Variants in ITFG1 observed in about 807,000 individuals in gnomAD.
ITFG1 encodes integrin alpha FG-GAP repeat containing 1.
In ITFG1, 34 loss-of-function variants were observed where a neutral mutation model predicts 81.8. The observed-to-expected ratio is 0.42, with a 90% CI of 0.32 to 0.55. The LOEUF (loss-of-function observed/expected upper bound fraction) is 0.55, where lower values mean the gene tolerates loss of function less well. Among genes scored for constraint, ITFG1 ranks in the 20% least tolerant of loss-of-function variants. The pLI is 0.17. For missense variants in ITFG1, 672 were observed against 755.4 expected, an observed-to-expected ratio of 0.89 and a Z score of 1.29; for synonymous variants, 285 against 270.6, an observed-to-expected ratio of 1.05 and a Z score of -0.52.
chr16:47,383,902 C>T (rs906888802), intron 6 of ITFG1, among the ~76,000 whole-genome samples: 1 of 152,130 alleles, frequency 6.6e-6, no homozygotes, highest in Non-Finnish European at 1.5e-5. Context: ...AAAACTCCAT[C>T]TCAAAAGAAA....
chr16:47,457,605 T>C (rs187488064), intron 2 of ITFG1, among the ~76,000 whole-genome samples: 181 of 152,104 alleles, frequency 1.2e-3, no homozygotes, highest in African/African-American at 4.0e-3. Flanking sequence ...GAAACAGGGG[T>C]GTGGGGGAGA....
Position 47,189,034 on chromosome 16 carries a change from G to C in ITFG1, c.1454-26370C>G, listed in dbSNP as rs145013787. On this transcript the variant is annotated intron_variant, in intron 14 of 17. Transcript: ENST00000320640. Reference sequence around the variant, plus strand: ...CTGCCTCAGCCTTCTAAAGTGCTGGGATTACAGGCTTTAGCCACCACACCC... The same window carrying C: ...CTGCCTCAGCCTTCTAAAGTGCTGGCATTACAGGCTTTAGCCACCACACCC... Among the ~76,000 whole-genome samples the C allele has an allele frequency of 2.4e-3, 358 of 152,272 alleles. 9 individuals are homozygous for C. The East Asian group carries it at 0.06, about 26-fold the overall frequency.
chr16:47,443,566 A>T (rs940714917), intron 5 of ITFG1, among the ~76,000 whole-genome samples: 19 of 152,274 alleles, frequency 1.2e-4, no homozygotes, highest in African/African-American at 3.6e-4. Context: ...TACTATGCAG[A>T]CATAAAAAAT....
intron 14 of ITFG1, among the ~76,000 whole-genome samples, chr16:47,173,767 G>T (rs1000130421): frequency 6.6e-6 from 1 of 152,156 alleles, no homozygotes; most frequent in African/African-American, 2.4e-5. Flanking sequence ...TTCGCTGGGC[G>T]CAGTGGCTCA....
chr16:47,439,477 A>C (rs947548702), intron 5 of ITFG1, among the ~76,000 whole-genome samples: 2 of 152,380 alleles, frequency 1.3e-5, no homozygotes, highest in Middle Eastern at 3.4e-3. Flanking sequence ...TCAGACTAAC[A>C]GCTGATCTCT....
At chr16:47,365,613 A>G in intron 8 of ITFG1, 175 bp downstream of exon 8, 1 of 464,102 alleles carries the variant, frequency 2.2e-6, no homozygotes, top group South Asian at 5.8e-5. Flanking sequence ...TATTTCATTA[A>G]GGAATTGACA....
intron 14 of ITFG1, among the ~76,000 whole-genome samples, chr16:47,180,555 G>C (rs865793217): frequency 1.3e-5 from 2 of 152,042 alleles, no homozygotes; most frequent in African/African-American, 4.8e-5. Flanking sequence ...ACTGTTTTTC[G>C]TATTTTTTTG....
chr16:47,354,837 C>A (rs186010592), intron 8 of ITFG1, among the ~76,000 whole-genome samples: 223 of 151,936 alleles, frequency 1.5e-3, no homozygotes, highest in Middle Eastern at 0.01. Context: ...AAAATCACAA[C>A]GAGATATCTA....
chr16:47,387,937 T>TAA (rs373555650), intron 6 of ITFG1, among the ~76,000 whole-genome samples: 1 of 141,890 alleles, frequency 7.0e-6, no homozygotes, highest in African/African-American at 2.6e-5. Context: ...ACAAATATGT[T>TAA]AAAAAAAAAA....
chr16:47,279,438 A>G lies in ITFG1; in HGVS notation c.1071-18743T>C, dbSNP rs185347148. 3.1e-3 allele frequency among the ~76,000 whole-genome samples: 479 copies of G among 152,264 alleles called. 2 individuals carry two copies. The highest frequency in any genetic ancestry group is 3.4e-3 in the Non-Finnish European group (234 of 68,014). Reference sequence around the variant, plus strand: ...GACTACACTTCTCTTAAACACCGTTAGCTGTACTAGTAAGCTGTACTTGTT... The same window carrying G: ...GACTACACTTCTCTTAAACACCGTTGGCTGTACTAGTAAGCTGTACTTGTT... On this transcript the variant is annotated intron_variant, in intron 10 of 17. Coordinates refer to ENST00000320640, the MANE Select transcript of ITFG1 (RefSeq NM_030790.5).
chr16:47,286,614 T>C (rs1596862000), intron 10 of ITFG1, among the ~76,000 whole-genome samples: 2 of 150,630 alleles, frequency 1.3e-5, no homozygotes, highest in East Asian at 3.9e-4. Flanking sequence ...CACTCCAGCC[T>C]GGGCGACAAG....
At chr16:47,278,458 C>T (rs752258128) in intron 10 of ITFG1, among the ~76,000 whole-genome samples, 6 of 152,112 alleles carry the variant, frequency 3.9e-5, no homozygotes, top group Non-Finnish European at 8.8e-5. Flanking sequence ...GCTGCTACCT[C>T]GCTCCACATT....
rs571837698 is a variant in ITFG1 at position 47,325,011 on chromosome 16, C to T, written c.803-11188G>A. Reference sequence around the variant, plus strand: ...ATAGACATCTACAGAACTCTCTACCCCAAATCAACAGAATATACATTCTTT... The same window carrying T: ...ATAGACATCTACAGAACTCTCTACCTCAAATCAACAGAATATACATTCTTT... On this transcript the variant is annotated intron_variant, in intron 8 of 17. Coordinates refer to ENST00000320640, the MANE Select transcript of ITFG1 (RefSeq NM_030790.5). 8.1e-3 allele frequency among the ~76,000 whole-genome samples: 1,231 copies of T among 152,254 alleles called. 14 individuals are homozygous for T. The highest frequency in any genetic ancestry group is 0.029 in the African/African-American group (1,195 of 41,516).
At chr16:47,325,144 C>A (rs1967514711) in intron 8 of ITFG1, among the ~76,000 whole-genome samples, 2 of 152,170 alleles carry the variant, frequency 1.3e-5, no homozygotes, top group Non-Finnish European at 2.9e-5. Flanking sequence ...TCTCAGACCA[C>A]AGTGCAATCA....
chr16:47,265,512 A>C (rs1476956726), intron 10 of ITFG1, among the ~76,000 whole-genome samples: 1 of 152,172 alleles, frequency 6.6e-6, no homozygotes, highest in Non-Finnish European at 1.5e-5. Context: ...CACTAAAACC[A>C]GAAGAGGAGA....
At chr16:47,161,207 C>G (rs544951390) in intron 16 of ITFG1, among the ~76,000 whole-genome samples, 1 of 152,110 alleles carries the variant, frequency 6.6e-6, no homozygotes, top group African/African-American at 2.4e-5. Flanking sequence ...GATAAAAATA[C>G]CTACCATTCG....
chr16:47,318,942 C>A (rs1034928919), intron 8 of ITFG1, among the ~76,000 whole-genome samples: 2 of 152,118 alleles, frequency 1.3e-5, no homozygotes, highest in East Asian at 1.9e-4. Context: ...TCCCATCTAT[C>A]GTCAAACTCA....
rs532899942 is a variant in ITFG1, at chr16:47,286,743, A to G, written c.1070+24497T>C. Among the ~76,000 whole-genome samples, 3 of 152,068 alleles carry G rather than the reference A, an allele frequency of 2.0e-5. No individual in the cohort carries two copies. In the South Asian group the frequency reaches 6.2e-4, roughly 32 times the overall value. On this transcript the variant is annotated intron_variant, in intron 10 of 17. Transcript: ENST00000320640. The stretch of plus-strand genomic sequence containing the variant: ...AAATAGGTCCTTAAGTCCTAAAGAG[A>G]GATCTGGGTAGCACCACATTGCTTA...
intron 14 of ITFG1, among the ~76,000 whole-genome samples, chr16:47,173,753 A>C (rs546814638): frequency 6.6e-6 from 1 of 152,314 alleles, no homozygotes; most frequent in Non-Finnish European, 1.5e-5. Flanking sequence ...TTAAAAAATA[A>C]GTTTTCGCTG....
Sources: allele counts gnomAD v4.1 joint callset (sites outside exome capture counted in the v4.1 genomes callset), GRCh38; gene constraint gnomAD v4.1.1; transcripts MANE v1.5; gene names NCBI Gene and HGNC (gene_info 2026-07-23, HGNC 2026-07-21).